Variants in DUSP22 observed in about 807,000 individuals in gnomAD.
DUSP22 encodes the protein dual specificity phosphatase 22.
Under a neutral mutation model 24.5 loss-of-function variants are expected in DUSP22, and 24 were observed. The observed-to-expected ratio is 0.98, with a 90% CI of 0.71 to 1.38. The LOEUF (loss-of-function observed/expected upper bound fraction) is 1.38. DUSP22 is among the 40% of genes most tolerant of loss of function. The probability of loss-of-function intolerance (pLI) is 0.00; values close to 1 mark genes in which losing one functional copy is unlikely to be tolerated. For synonymous variants in DUSP22, 160 were observed against 106.4 expected (o/e 1.50, Z -3.10); for missense variants, 330 against 269.2 (o/e 1.23, Z -1.58).
chr6:329,060 C>G (rs1478314637), intron 3 of DUSP22, among the ~76,000 whole-genome samples: 2 of 152,302 alleles, frequency 1.3e-5, no homozygotes, highest in African/African-American at 4.8e-5. Context: ...TGGGCTGCCA[C>G]ACACGTAAAT....
chr6:325,074 T>G (rs1315665617), intron 3 of DUSP22: 2 of 192,652 alleles, frequency 1.0e-5, no homozygotes, highest in African/African-American at 2.4e-5. Flanking sequence ...GAGAGTCATC[T>G]GCCCTGGGCT....
chr6:305,534 T>C (rs1422883091), intron 2 of DUSP22, among the ~76,000 whole-genome samples: 1 of 152,308 alleles, frequency 6.6e-6, no homozygotes, highest in Admixed American at 6.5e-5. Context: ...CTGGTGCTTC[T>C]CTTCTCACAC....
chr6:338,247 T>C (rs1373563689), intron 4 of DUSP22, among the ~76,000 whole-genome samples: 1 of 152,310 alleles, frequency 6.6e-6, no homozygotes, highest in Non-Finnish European at 1.5e-5. Context: ...TAAAGTTATG[T>C]GGAAATGGTG....
intron 2 of DUSP22, among the ~76,000 whole-genome samples, 171 bp downstream of exon 2, chr6:304,832 C>G (rs1757747955): frequency 6.6e-6 from 1 of 152,306 alleles, no homozygotes; most frequent in Non-Finnish European, 1.5e-5. Context: ...AAACTGTGTC[C>G]CTTAAAACAC....
intron 1 of DUSP22, among the ~76,000 whole-genome samples, chr6:304,074 G>T (rs1030435944): frequency 1.3e-5 from 2 of 152,306 alleles, no homozygotes; most frequent in Non-Finnish European, 2.9e-5. Context: ...TGAGCAACAG[G>T]ATTCGTTTGC....
chr6:345,161 T>G, intron 4 of DUSP22, among the ~76,000 whole-genome samples: 1 of 152,302 alleles, frequency 6.6e-6, no homozygotes, highest in Non-Finnish European at 1.5e-5. Flanking sequence ...TGACCAGGTT[T>G]TGATGGTATG....
At chr6:344,406 C>G (rs9503333) in intron 4 of DUSP22, among the ~76,000 whole-genome samples, 11,742 of 148,440 alleles carry the variant, frequency 0.079, 26 homozygotes, top group East Asian at 0.23. Context: ...CCACCTCGGC[C>G]TCCCAAGTAC....
chr6:320,610 C>G (rs1242432243), intron 3 of DUSP22, among the ~76,000 whole-genome samples: 2 of 152,306 alleles, frequency 1.3e-5, no homozygotes, highest in African/African-American at 2.4e-5. Flanking sequence ...CCAGTCCACG[C>G]AAGGGCTGCA....
chr6:311,994 T>A (rs755572383), intron 3 of DUSP22, 32 bp downstream of exon 3: 1 of 1,597,888 alleles, frequency 6.3e-7, no homozygotes, highest in Non-Finnish European at 8.5e-7. Context: ...TGTGTGGGTG[T>A]CCTCATTTGT....
rs764503108 is a variant in DUSP22 at position 348,873 on chromosome 6, C to T, written c.540C>T (p.Pro180=). The T allele has an allele frequency of 6.2e-7, 1 of 1,614,268 alleles. No individual in the cohort carries two copies. The highest frequency in any genetic ancestry group is 8.5e-7 in the Non-Finnish European group (1 of 1,180,042). The part of the protein sequence containing the change: ...GKYKEQGRTE[P]QPGARRWSSF... ...ATAAGGAGCAAGGGCGCACAGAGCC[C>T]CAGCCCGGCGCCAGGCGGTGGAGCA... Residue 180 remains proline, a synonymous_variant, in exon 7 of 7, where the codon CCC becomes CCT. Transcript: ENST00000419235.
At chr6:340,197 T>C (rs1759543437) in intron 4 of DUSP22, among the ~76,000 whole-genome samples, 1 of 152,312 alleles carries the variant, frequency 6.6e-6, no homozygotes, top group African/African-American at 2.4e-5. Context: ...CCCCCAATTC[T>C]ATTTTTAATG....
rs1362131917 is a variant in DUSP22 at position 350,674 on chromosome 6, G to A, written c.*1723G>A. 2 of 1,542,512 alleles carry A rather than the reference G, an allele frequency of 1.3e-6. No individual in the cohort carries two copies. The highest frequency in any genetic ancestry group is 2.8e-5 in the African/African-American group (2 of 72,360). On this transcript the variant is annotated 3_prime_UTR_variant, in exon 7 of 7. Coordinates refer to ENST00000419235, the MANE Select transcript of DUSP22 (RefSeq NM_001286555.3). ...CCAATAAAGTACATGTTTTTCCTAA[G>A]CCAAAAATAAATACGTTAACAGAAA...
chr6:317,558 C>A (rs1285181719), intron 3 of DUSP22, among the ~76,000 whole-genome samples: 1 of 152,300 alleles, frequency 6.6e-6, no homozygotes, highest in Non-Finnish European at 1.5e-5. Context: ...GACTTCGGCC[C>A]CTTTTCTGTA....
chr6:323,540 G>C (rs1179830740), intron 3 of DUSP22, among the ~76,000 whole-genome samples: 1 of 152,302 alleles, frequency 6.6e-6, no homozygotes, highest in Non-Finnish European at 1.5e-5. Flanking sequence ...CGGCTAGTGG[G>C]GGTTAATCCA....
rs991666529 is a variant in DUSP22 at position 349,908 on chromosome 6, T to A, written c.*957T>A. On this transcript the variant is annotated 3_prime_UTR_variant, in exon 7 of 7. Transcript: ENST00000419235. ...CCCTCCTCTCTGCTCCTTGCCAGCT[T>A]CATTCACTCCCAGCCTCTCGCTGTC... 2 of 985,788 alleles carry A rather than the reference T, an allele frequency of 2.0e-6. No homozygotes were observed. Among genetic ancestry groups the A allele is most frequent in the African/African-American group, 3.5e-5 (2 of 57,280 alleles). 61.1% of individuals were successfully genotyped at this position (985,788 alleles called of 1,614,324 possible). A position where few individuals can be genotyped will look rare whatever the true frequency, so the allele number is the denominator to read the frequency against.
chr6:330,303 C>T (rs924916612), intron 3 of DUSP22, among the ~76,000 whole-genome samples: 9 of 152,300 alleles, frequency 5.9e-5, no homozygotes, highest in Admixed American at 5.9e-4. Flanking sequence ...TGAAGAGGCT[C>T]CTGCAGGGAT....
At chr6:333,649 C>A (rs1481328222) in intron 3 of DUSP22, among the ~76,000 whole-genome samples, 1 of 152,300 alleles carries the variant, frequency 6.6e-6, no homozygotes, top group Admixed American at 6.5e-5. Flanking sequence ...AGATGGAGAA[C>A]AGGTTTTAGG....
At chr6:336,193 A>T (rs865869299) in intron 4 of DUSP22, among the ~76,000 whole-genome samples, 2 of 152,304 alleles carry the variant, frequency 1.3e-5, no homozygotes, top group Admixed American at 6.5e-5. Context: ...ATCCCATGCC[A>T]CTGAGTCTGG....
rs112045020 is a variant in DUSP22, at chr6:305,187, T to C, written c.55+526T>C. ...ATGGGTGAGATTGACAGGCAAAGTG[T>C]AGACTCAGTCTACAGTCTGTTCTGG... On this transcript the variant is annotated intron_variant, in intron 2 of 6. Coordinates refer to ENST00000419235, the MANE Select transcript of DUSP22 (RefSeq NM_001286555.3). 8.6e-3 allele frequency among the ~76,000 whole-genome samples: 1,315 copies of C among 152,040 alleles called. 1 individual carries two copies. The highest frequency in any genetic ancestry group is 0.017 in the Middle Eastern group (5 of 290).
Sources: allele counts gnomAD v4.1 joint callset (sites outside exome capture counted in the v4.1 genomes callset), GRCh38; gene constraint gnomAD v4.1.1; transcripts MANE v1.5; gene names NCBI Gene and HGNC (gene_info 2026-07-23, HGNC 2026-07-21).